Variants in RASSF8 observed in about 807,000 individuals in gnomAD.
RASSF8 encodes ras association domain-containing protein 8.
In RASSF8, 22 loss-of-function variants were observed where a neutral mutation model predicts 48.5. The ratio of observed to expected loss-of-function variants is 0.45; its 90% CI spans 0.32 to 0.65. The LOEUF is 0.65. Ranked by LOEUF, RASSF8 falls within the 30% of genes least tolerant of loss-of-function variation. The pLI, the probability that RASSF8 is intolerant of heterozygous loss-of-function variation, is 0.03. For missense variants in RASSF8, 418 were observed against 489.2 expected (o/e 0.85, Z 1.37); for synonymous variants, 127 against 171.5 (o/e 0.74, Z 2.03).
At chr12:26,039,154 CAGGTTCAGA>C (rs1300298347) in intron 2 of RASSF8, among the ~76,000 whole-genome samples, 2 of 152,178 alleles carry the variant, frequency 1.3e-5, no homozygotes, top group East Asian at 3.8e-4. Context: ...CTGCTCAGGT[CAGGTTCAGA>C]AGGTGAATTC....
rs1190321750 is a variant in RASSF8 at position 25,995,029 on chromosome 12, C to T, written c.-202-8C>T. ...CCAGGACTGTAAGAACCCTATGTAC[C>T]TTTGCAGGTGCCTGTGTAGATCATC... On this transcript the variant is annotated splice_region_variant and splice_polypyrimidine_tract_variant and intron_variant, in intron 1 of 5. Coordinates refer to ENST00000689635, the MANE Select transcript of RASSF8 (RefSeq NM_001394098.1). 3 of 152,096 alleles carry T rather than the reference C, an allele frequency of 2.0e-5. No individual in the cohort carries two copies. The highest frequency in any genetic ancestry group is 2.9e-5 in the Non-Finnish European group (2 of 68,028). 9.4% of individuals were successfully genotyped at this position (152,096 alleles called of 1,614,324 possible). A position where few individuals can be genotyped will look rare whatever the true frequency, so the allele number is the denominator to read the frequency against.
chr12:26,059,957 G>A (rs749731082), intron 3 of RASSF8, among the ~76,000 whole-genome samples: 9 of 152,152 alleles, frequency 5.9e-5, no homozygotes, highest in Non-Finnish European at 1.3e-4. Flanking sequence ...TAGTGCAGTG[G>A]TGTGATCTCC....
chr12:26,074,000 ATATG>A (rs1477051801), downstream of RASSF8, among the ~76,000 whole-genome samples: 1 of 150,308 alleles, frequency 6.7e-6, no homozygotes, highest in African/African-American at 2.5e-5. Context: ...AAAAGTATAT[ATATG>A]AGAATAATAG....
rs1476138170 is a variant in RASSF8, at chr12:26,055,419, G to T, written c.76G>T (p.Val26Phe). 5.0e-6 allele frequency: 8 copies of T among 1,614,078 alleles called. No individual in the cohort carries two copies. Among genetic ancestry groups the T allele is most frequent in the Non-Finnish European group, 5.9e-6 (7 of 1,179,950 alleles). Reference protein sequence around the residue: ...GVTEVTTCQEVVIALAQAIGR... With the variant: ...GVTEVTTCQEFVIALAQAIGR... ...CACTGAAGTCACAACTTGCCAGGAG[G>T]TTGTCATAGCCTTAGCTCAAGCAAT... is the stretch of plus-strand genomic sequence containing the variant. Residue 26 changes from valine (V) to phenylalanine (F), a missense_variant, in exon 3 of 6, where the codon GTT (valine) becomes TTT (phenylalanine). By Grantham distance (50) the Val-to-Phe change is conservative. Coordinates refer to ENST00000689635, the MANE Select transcript of RASSF8 (RefSeq NM_001394098.1).
intron 2 of RASSF8, among the ~76,000 whole-genome samples, chr12:26,008,222 G>A (rs980410240): frequency 1.1e-4 from 17 of 151,950 alleles, no homozygotes; most frequent in African/African-American, 2.4e-4. Flanking sequence ...GCAGTGAGCC[G>A]AGAAAGCCAC....
chr12:26,042,095 A>G (rs1943277779), intron 2 of RASSF8, among the ~76,000 whole-genome samples: 1 of 152,230 alleles, frequency 6.6e-6, no homozygotes, highest in African/African-American at 2.4e-5. Context: ...TATAGTTATA[A>G]ATCAGAAAGG....
At chr12:25,971,082 C>T (rs1338722164) in intron 1 of RASSF8, among the ~76,000 whole-genome samples, 1 of 152,168 alleles carries the variant, frequency 6.6e-6, no homozygotes, top group African/African-American at 2.4e-5. Flanking sequence ...TTCTTAAGCT[C>T]ATTTCTTCAC....
In RASSF8 at chr12:26,001,132, A is replaced by C. The variant is rs531235379; in HGVS notation, c.-109+6002A>C. Among the ~76,000 whole-genome samples, 27 of 150,590 alleles carry C rather than the reference A, an allele frequency of 1.8e-4. 1 individual carries two copies. The South Asian group carries it at 5.7e-3, about 32-fold the overall frequency. Reference sequence around the variant, plus strand: ...ATCGAGTAGCTGGGACTACAAGTGCATTTCACCACACCCAGCTAATTTTTA... The same window carrying C: ...ATCGAGTAGCTGGGACTACAAGTGCCTTTCACCACACCCAGCTAATTTTTA... On this transcript the variant is annotated intron_variant, in intron 2 of 5. Transcript: ENST00000689635.
At chr12:25,987,334 T>C (rs1941909960) in intron 1 of RASSF8, among the ~76,000 whole-genome samples, 1 of 152,342 alleles carries the variant, frequency 6.6e-6, no homozygotes, top group African/African-American at 2.4e-5. Flanking sequence ...TATGCGGTCA[T>C]GCCTCTTAGA....
chr12:26,025,511 G>A (rs906705450), intron 2 of RASSF8, among the ~76,000 whole-genome samples: 1 of 148,440 alleles, frequency 6.7e-6, no homozygotes, highest in Non-Finnish European at 1.5e-5. Context: ...GCAGTGAGCC[G>A]AGATCGCACC....
In RASSF8 at chr12:26,070,462, T is replaced by C; in HGVS notation, c.*1644T>C. On this transcript the variant is annotated 3_prime_UTR_variant, in exon 6 of 6. Transcript: ENST00000689635. ...GGCGGACCTCAACTGAAGATATGAG[T>C]TTCTTTGGGTTCTTGGAGTTATCAA... The C allele has an allele frequency of 1.0e-6, 1 of 985,362 alleles. No homozygotes were observed. Among genetic ancestry groups the C allele is most frequent in the Non-Finnish European group, 1.2e-6 (1 of 829,880 alleles). 61.0% of individuals were successfully genotyped at this position (985,362 alleles called of 1,614,324 possible).
chr12:26,030,961 C>T (rs1446232316), intron 2 of RASSF8, among the ~76,000 whole-genome samples: 1 of 152,074 alleles, frequency 6.6e-6, no homozygotes, highest in African/African-American at 2.4e-5. Context: ...AACCAGGTAG[C>T]GGGCCATAAC....
Position 26,006,809 on chromosome 12 carries a change from C to T in RASSF8, c.-109+11679C>T, listed in dbSNP as rs567290955. ...TGGAATAGTGGAACATGGGATGAAA[C>T]GAGGTCACATTCATCTTTCTTAGCT... On this transcript the variant is annotated intron_variant, in intron 2 of 5. Coordinates refer to ENST00000689635, the MANE Select transcript of RASSF8 (RefSeq NM_001394098.1). Among the ~76,000 whole-genome samples the T allele has an allele frequency of 4.1e-4, 62 of 152,230 alleles. 2 individuals carry two copies. In the South Asian group the frequency reaches 0.012, roughly 30 times the overall value.
intron 2 of RASSF8, among the ~76,000 whole-genome samples, chr12:26,034,281 C>T (rs1424152805): frequency 1.3e-5 from 2 of 151,906 alleles, no homozygotes; most frequent in Non-Finnish European, 2.9e-5. Context: ...TCCACAGGGG[C>T]AGGACAAAAT....
intron 3 of RASSF8, among the ~76,000 whole-genome samples, chr12:26,056,403 T>C (rs554063259): frequency 4.6e-5 from 7 of 152,330 alleles, no homozygotes; most frequent in Admixed American, 3.3e-4. Flanking sequence ...GCATCTTAAG[T>C]CTTTCATTTA....
chr12:26,078,065 G>C lies in RASSF8; in HGVS notation c.1139-968G>C, dbSNP rs1363400351. 2.6e-5 allele frequency among the ~76,000 whole-genome samples: 4 copies of C among 152,154 alleles called. No homozygotes were observed. The East Asian group carries it at 7.7e-4, about 29-fold the overall frequency. On this transcript the variant is annotated intron_variant, in intron 5 of 5. Coordinates refer to the RASSF8 transcript ENST00000381352. ...AGACTCTGATGAGGAGGTGAATTAG[G>C]CTTTTGAAGAGTAAACAAGTTTTCA...
In RASSF8 at chr12:26,065,288, C is replaced by CA; in HGVS notation, c.897dup (p.Gly300ArgfsTer4). 6.2e-7 allele frequency: 1 copy of CA among 1,614,010 alleles called. No homozygotes were observed. The highest frequency in any genetic ancestry group is 8.5e-7 in the Non-Finnish European group (1 of 1,179,968). On this transcript the variant is annotated frameshift_variant, in exon 4 of 6. Transcript: ENST00000689635. LOFTEE classifies it high-confidence loss of function. ...AGGTTAAAGGAAAGATCGGTAAGGT[C>CA]AAAGGGGAGATTGACATTCAAGGCC...
At chr12:26,051,916 C>T (rs1254808965) in intron 2 of RASSF8, among the ~76,000 whole-genome samples, 1 of 152,198 alleles carries the variant, frequency 6.6e-6, no homozygotes, top group Non-Finnish European at 1.5e-5. Context: ...CTTCTTGCCT[C>T]AGAAACCCTG....
At chr12:26,057,632 G>A (rs982449585) in intron 3 of RASSF8, among the ~76,000 whole-genome samples, 4 of 152,044 alleles carry the variant, frequency 2.6e-5, no homozygotes, top group Non-Finnish European at 5.9e-5. Context: ...TAATCCTTTG[G>A]GTATATACGC....
Sources: gnomAD v4.1 joint callset for allele counts (sites outside exome capture counted in the v4.1 genomes callset) on GRCh38, gnomAD v4.1.1 for gene constraint, MANE v1.5 for transcripts, NCBI Gene and HGNC (gene_info 2026-07-23, HGNC 2026-07-21) for gene names.